The following FBN3 variants were observed in gnomAD, a reference collection of about 807,000 sequenced individuals.
The protein encoded by FBN3 is fibrillin-3.
Under a neutral mutation model 330.1 loss-of-function variants are expected in FBN3, and 234 were observed. That is an observed-to-expected ratio of 0.71 (90% CI 0.64 to 0.79). FBN3 has a LOEUF of 0.79. Among genes scored for constraint, FBN3 ranks in the 30% least tolerant of loss-of-function variants. The pLI, the probability that FBN3 is intolerant of heterozygous loss-of-function variation, is 0.00. For missense variants in FBN3, 3,606 were observed against 3,886.9 expected, an observed-to-expected ratio of 0.93 and a Z score of 1.92; for synonymous variants, 1,458 against 1,517.3, an observed-to-expected ratio of 0.96 and a Z score of 0.91.
At chr19:8,087,453 G>A (rs544458940) in intron 53 of FBN3, among the ~76,000 whole-genome samples, 1 of 152,298 alleles carries the variant, frequency 6.6e-6, no homozygotes, top group African/African-American at 2.4e-5. Flanking sequence ...GGGTCTGTGA[G>A]TCTGCTCATG....
chr19:8,131,891 C>T lies in FBN3; in HGVS notation c.1715-62G>A, dbSNP rs1365835639. 6.9e-7 allele frequency: 1 copy of T among 1,444,056 alleles called. No homozygotes were observed. The highest frequency in any genetic ancestry group is 1.4e-5 in the African/African-American group (1 of 69,620). 89.5% of individuals were successfully genotyped at this position (1,444,056 alleles called of 1,614,324 possible). On this transcript the variant is annotated intron_variant, in intron 14 of 63. Coordinates refer to ENST00000600128, the MANE Select transcript of FBN3 (RefSeq NM_032447.5). The surrounding 1 kb of genome is among the most constrained non-coding windows in gnomAD (Gnocchi z 4.5). ...CGTGCTCCCTTCCTCTCTCCCCTCC[C>T]CATCTCCCAACATTTCCATCTTCCC...
At position 8,130,631 on chromosome 19, in the gene FBN3, A is replaced by G. The variant is rs369848188; in HGVS notation, c.2044+604T>C. 8.5e-3 allele frequency among the ~76,000 whole-genome samples: 134 copies of G among 15,788 alleles called. 36 individuals are homozygous for G. The highest frequency in any genetic ancestry group is 0.016 in the Admixed American group (24 of 1,548). 10.4% of individuals were successfully genotyped at this position (15,788 alleles called of 152,430 possible). A position where few individuals can be genotyped will look rare whatever the true frequency, so the allele number is the denominator to read the frequency against. On this transcript the variant is annotated intron_variant, in intron 16 of 63. Coordinates refer to ENST00000600128, the MANE Select transcript of FBN3 (RefSeq NM_032447.5). ...AAGAAAGAAAGAAAGAAAGAAAGAA[A>G]GAAAGAAAGAAAGGAAAGGAAAGGA...
chr19:8,118,754 C>T (rs1296108706), intron 26 of FBN3, 143 bp downstream of exon 26: 2 of 1,004,440 alleles, frequency 2.0e-6, no homozygotes, highest in African/African-American at 3.2e-5. Flanking sequence ...CACACACTTG[C>T]ACGCTCACAC....
rs747357055 is a variant in FBN3, at chr19:8,089,877, G to A, written c.6250+17C>T. 15 of 1,584,964 alleles carry A rather than the reference G, an allele frequency of 9.5e-6. No homozygotes were observed. In the East Asian group the frequency reaches 2.7e-4, roughly 29 times the overall value. ...GTGGCCCAGAAGGGGCTCTTAGCAT[G>A]TGGGTGAGGGGCTCACCTTCTCGGG... On this transcript the variant is annotated intron_variant, in intron 50 of 63. Transcript: ENST00000600128.
intron 8 of FBN3, 95 bp from the exon 9 acceptor site, chr19:8,138,659 G>A: frequency 7.5e-7 from 1 of 1,329,088 alleles, no homozygotes. Flanking sequence ...CTGTAGGACG[G>A]GTCTGTTTGC....
At chr19:8,145,031 C>T (rs1385050974) in intron 5 of FBN3, 59 bp from the exon 6 acceptor site, 18 of 1,436,756 alleles carry the variant, frequency 1.3e-5, no homozygotes, top group Non-Finnish European at 1.7e-5. Flanking sequence ...AGCTGGGGTT[C>T]ACAGCAAGCC....
Position 8,116,658 on chromosome 19 carries a change from C to T in FBN3, c.3712+16G>A, listed in dbSNP as rs754843744. Reference sequence around the variant, plus strand: ...GCCTCCTCCACCCGCCCCGCCCCACCGTCCCGGCTCCTCACCAACACATGT... The same window carrying T: ...GCCTCCTCCACCCGCCCCGCCCCACTGTCCCGGCTCCTCACCAACACATGT... On this transcript the variant is annotated intron_variant, in intron 29 of 63. Coordinates refer to ENST00000600128, the MANE Select transcript of FBN3 (RefSeq NM_032447.5). 1.4e-5 allele frequency: 22 copies of T among 1,603,078 alleles called. No homozygotes were observed. Among genetic ancestry groups the T allele is most frequent in the East Asian group, 4.5e-5 (2 of 44,560 alleles).
At chr19:8,066,295 A>G in intron 63 of FBN3, 35 bp from the exon 64 acceptor site, 2 of 1,449,712 alleles carry the variant, frequency 1.4e-6, no homozygotes, top group Admixed American at 5.1e-5. Flanking sequence ...GTCAGAGCCC[A>G]GGAGAATCGG....
At chr19:8,070,624 G>A (rs1599253934) in intron 63 of FBN3, among the ~76,000 whole-genome samples, 1 of 152,316 alleles carries the variant, frequency 6.6e-6, no homozygotes, top group African/African-American at 2.4e-5. Flanking sequence ...AAGTCCACGT[G>A]CCATATCCAT....
At chr19:8,084,607 G>A (rs1416337175) in intron 56 of FBN3, among the ~76,000 whole-genome samples, 1 of 151,854 alleles carries the variant, frequency 6.6e-6, no homozygotes, top group Non-Finnish European at 1.5e-5. Flanking sequence ...ATTTTTTTGG[G>A]ACAGAGTTTC....
intron 57 of FBN3, among the ~76,000 whole-genome samples, chr19:8,082,520 G>A (rs2081827902): frequency 7.3e-6 from 1 of 137,338 alleles, no homozygotes; most frequent in African/African-American, 2.7e-5. Context: ...TCTTGACAGA[G>A]TCTCACTCTG....
chr19:8,118,589 A>T (rs1568421559), intron 26 of FBN3, among the ~76,000 whole-genome samples: 1 of 149,780 alleles, frequency 6.7e-6, no homozygotes, highest in East Asian at 2.0e-4. Flanking sequence ...CTCACTCCTC[A>T]CATACAAACA....
At chr19:8,115,843 G>A (rs1392500396) in intron 29 of FBN3, among the ~76,000 whole-genome samples, 1 of 150,720 alleles carries the variant, frequency 6.6e-6, no homozygotes, top group African/African-American at 2.4e-5. Flanking sequence ...TTCTGTGAGC[G>A]TTTCACAGTG....
chr19:8,145,423 G>GT (rs2083512943), intron 5 of FBN3, among the ~76,000 whole-genome samples: 2 of 146,168 alleles, frequency 1.4e-5, no homozygotes, highest in South Asian at 4.3e-4. Flanking sequence ...GCTCACGCCT[G>GT]TAATCCCAGC....
chr19:8,101,076 G>A lies in FBN3; in HGVS notation c.5090-104C>T, dbSNP rs2144758499. 4.6e-6 allele frequency: 4 copies of A among 862,144 alleles called. No individual in the cohort carries two copies. The East Asian group carries it at 8.6e-5, about 19-fold the overall frequency. 53.4% of individuals were successfully genotyped at this position (862,144 alleles called of 1,614,324 possible). A position where few individuals can be genotyped will look rare whatever the true frequency, so the allele number is the denominator to read the frequency against. The stretch of plus-strand genomic sequence containing the variant: ...ATCCCTGGAGCCCAGCCCTCACCTG[G>A]CCACCTTGAACTTTTTTTGCTCTCC... On this transcript the variant is annotated intron_variant, in intron 40 of 63. Transcript: ENST00000600128.
In FBN3 at chr19:8,100,904, G is replaced by C. The variant is rs1281850426; in HGVS notation, c.5158C>G (p.Leu1720Val). The change falls in exon 41 of 64, where the codon CTT becomes GTT. Residue 1720 changes from leucine to valine, a missense_variant. Transcript: ENST00000600128. ...AGAGCAGGGACCACTCACTCACCAA[G>C]GGGCTTCCCCGTGTGGATGTCAGTG... ...FLTDIHTGKPLDIDECGEIPA... is the reference protein window; with the variant it reads ...FLTDIHTGKPVDIDECGEIPA... The C allele has an allele frequency of 3.1e-6, 5 of 1,613,530 alleles. No homozygotes were observed. The South Asian group carries it at 4.4e-5, about 14-fold the overall frequency.
intron 23 of FBN3, 50 bp from the exon 24 acceptor site, chr19:8,123,639 C>T (rs558081975): frequency 6.2e-7 from 1 of 1,609,242 alleles, no homozygotes; most frequent in African/African-American, 1.3e-5. Context: ...GCTCAGGATC[C>T]ATACACCAAG....
intron 47 of FBN3, among the ~76,000 whole-genome samples, chr19:8,091,904 G>T (rs938382812): frequency 6.6e-6 from 1 of 152,148 alleles, no homozygotes; most frequent in African/African-American, 2.4e-5. Context: ...AAGTAAGGCC[G>T]GGCGCGGTGG....
At chr19:8,105,838 T>C (rs1204716120) in intron 38 of FBN3, among the ~76,000 whole-genome samples, 1 of 152,134 alleles carries the variant, frequency 6.6e-6, no homozygotes, top group Non-Finnish European at 1.5e-5. Flanking sequence ...GACAAAGATA[T>C]GGTGAAGAAG....
Sources: allele counts gnomAD v4.1 joint callset (sites outside exome capture counted in the v4.1 genomes callset), GRCh38; gene constraint gnomAD v4.1.1; non-coding constraint Gnocchi (gnomAD v3.1); transcripts MANE v1.5; gene names NCBI Gene and HGNC (gene_info 2026-07-23, HGNC 2026-07-21).